The following ARK2C variants were observed in gnomAD, a reference collection of about 807,000 sequenced individuals.
ARK2C encodes the protein arkadia (RNF111) C-terminal like ring finger ubiquitin ligase 2C.
the ARK2C span, among the ~76,000 whole-genome samples, chr18:46,439,866 C>T: frequency 1.1e-4 from 17 of 152,092 alleles, no homozygotes; most frequent in Admixed American, 1.0e-3. Flanking sequence ...GAGTCTCGCT[C>T]TGTCGCCAGG....
the ARK2C span, among the ~76,000 whole-genome samples, chr18:46,377,969 C>G: frequency 2.0e-5 from 3 of 151,954 alleles, no homozygotes; most frequent in East Asian, 3.9e-4. Context: ...GACTGCACAA[C>G]AGAGGTGGTG....
chr18:46,426,319 C>T, the ARK2C span, among the ~76,000 whole-genome samples: 2 of 152,168 alleles, frequency 1.3e-5, no homozygotes, highest in African/African-American at 4.8e-5. Context: ...GACTCGGGGA[C>T]CTTGTCACTG....
At chr18:46,412,830 G>A in the ARK2C span, among the ~76,000 whole-genome samples, 3 of 152,230 alleles carry the variant, frequency 2.0e-5, no homozygotes, top group Admixed American at 2.0e-4. Context: ...TGTGGGCCAG[G>A]GGCCACCATA....
chr18:46,431,252 G>C, the ARK2C span, among the ~76,000 whole-genome samples: 4 of 152,096 alleles, frequency 2.6e-5, no homozygotes, highest in Non-Finnish European at 5.9e-5. Context: ...AATTTGGTAG[G>C]TTCTCTTTCT....
the ARK2C span, among the ~76,000 whole-genome samples, chr18:46,445,883 T>G: frequency 6.9e-6 from 1 of 144,560 alleles, no homozygotes; most frequent in Non-Finnish European, 1.5e-5. Flanking sequence ...CGGAAATTCC[T>G]TTAATACTTC....
the ARK2C span, among the ~76,000 whole-genome samples, chr18:46,391,348 C>T: frequency 1.1e-4 from 17 of 152,012 alleles, no homozygotes; most frequent in South Asian, 2.1e-4. Context: ...CCAAATGGGA[C>T]GACATTACAG....
the ARK2C span, chr18:46,460,789 G>C: frequency 6.6e-6 from 1 of 152,538 alleles, no homozygotes; most frequent in Non-Finnish European, 1.5e-5. Flanking sequence ...CTTTGATTCT[G>C]TATGCTGTGA....
At chr18:46,371,650 C>T in the ARK2C span, among the ~76,000 whole-genome samples, 1 of 152,232 alleles carries the variant, frequency 6.6e-6, no homozygotes, top group Non-Finnish European at 1.5e-5. Flanking sequence ...GATGATAAGC[C>T]TCTCTGGGAA....
chr18:46,435,009 G>A, the ARK2C span, among the ~76,000 whole-genome samples: 1 of 152,190 alleles, frequency 6.6e-6, no homozygotes, highest in African/African-American at 2.4e-5. Flanking sequence ...TGTGGGTGGA[G>A]CCAGGTAATC....
chr18:46,422,214 T>C, the ARK2C span, among the ~76,000 whole-genome samples: 1 of 152,240 alleles, frequency 6.6e-6, no homozygotes, highest in Admixed American at 6.5e-5. Context: ...GCTTATGTAG[T>C]GTACCCCAGA....
chr18:46,430,164 G>T, the ARK2C span, among the ~76,000 whole-genome samples: 2 of 151,960 alleles, frequency 1.3e-5, no homozygotes, highest in South Asian at 2.1e-4. Context: ...AATTTTTTTT[G>T]AGCTCCTATA....
the ARK2C span, among the ~76,000 whole-genome samples, chr18:46,408,138 T>A: frequency 6.6e-6 from 1 of 151,914 alleles, no homozygotes; most frequent in East Asian, 1.9e-4. Context: ...TGGATTGGAG[T>A]CAGGAATGAC....
chr18:46,345,810 G>T, the ARK2C span, among the ~76,000 whole-genome samples: 1 of 152,142 alleles, frequency 6.6e-6, no homozygotes, highest in South Asian at 2.1e-4. Context: ...GCTGTGCCCC[G>T]ACTCCCGGGG....
At chr18:46,365,556 T>A in the ARK2C span, among the ~76,000 whole-genome samples, 341 of 152,290 alleles carry the variant, frequency 2.2e-3, 1 homozygote, top group Non-Finnish European at 3.4e-3. Flanking sequence ...CAGCCTGGAG[T>A]GCAATGGTGC....
chr18:46,406,231 A>G, the ARK2C span, among the ~76,000 whole-genome samples: 1 of 152,150 alleles, frequency 6.6e-6, no homozygotes, highest in Non-Finnish European at 1.5e-5. Context: ...CTCTTGTTGC[A>G]TTGAACCCCC....
chr18:46,427,999 T>A, the ARK2C span, among the ~76,000 whole-genome samples: 1 of 152,162 alleles, frequency 6.6e-6, no homozygotes, highest in African/African-American at 2.4e-5. Flanking sequence ...ATGAGAGAAG[T>A]GGACCTCCTA....
the ARK2C span, chr18:46,334,410 G>T: frequency 2.2e-6 from 3 of 1,339,298 alleles, no homozygotes; most frequent in Admixed American, 4.7e-5. The surrounding 1 kb of genome is among the most constrained non-coding windows in gnomAD (Gnocchi z 4.4). Context: ...CGGGCGCCGC[G>T]GGCGGCCGGG....
the ARK2C span, among the ~76,000 whole-genome samples, chr18:46,346,356 A>G: frequency 5.9e-5 from 9 of 152,238 alleles, no homozygotes; most frequent in African/African-American, 1.9e-4. Flanking sequence ...CATTACGTAC[A>G]TTCACAGTAC....
At chr18:46,408,529 C>A in the ARK2C span, among the ~76,000 whole-genome samples, 1 of 152,170 alleles carries the variant, frequency 6.6e-6, no homozygotes, top group Non-Finnish European at 1.5e-5. Context: ...AGGAACTTAC[C>A]CGTAGTCAAA....
Sources: gnomAD v4.1 joint callset for allele counts (sites outside exome capture counted in the v4.1 genomes callset) on GRCh38, gnomAD v4.1.1 for gene constraint, Gnocchi (gnomAD v3.1) non-coding constraint, MANE v1.5 for transcripts, NCBI Gene and HGNC (gene_info 2026-07-23, HGNC 2026-07-21) for gene names.